The following UNC80 variants were observed in gnomAD, a reference collection of about 807,000 sequenced individuals.
The protein encoded by UNC80 is unc-80 subunit of NALCN channel complex, also known as protein unc-80 homolog.
Under a neutral mutation model 384.6 loss-of-function variants are expected in UNC80, and 164 were observed. The ratio of observed to expected loss-of-function variants is 0.43; its 90% CI spans 0.38 to 0.49. The LOEUF is 0.49. Among genes scored for constraint, UNC80 ranks in the 20% least tolerant of loss-of-function variants. The pLI is 0.00. For missense variants in UNC80, 3,330 were observed against 4,143.0 expected (o/e 0.80, Z 5.39); for synonymous variants, 1,486 against 1,527.8 (o/e 0.97, Z 0.64).
chr2:209,837,897 G>A (rs1010386120), intron 18 of UNC80, among the ~76,000 whole-genome samples: 2 of 151,550 alleles, frequency 1.3e-5, no homozygotes, highest in African/African-American at 2.4e-5. Context: ...TCAGCCTCCT[G>A]AGTAGCTGGG....
In UNC80 at chr2:209,893,084, G is replaced by A. The variant is rs543043856; in HGVS notation, c.4277-1079G>A. Among the ~76,000 whole-genome samples the A allele has an allele frequency of 6.6e-5, 10 of 152,216 alleles. No homozygotes were observed. The South Asian group carries it at 1.4e-3, about 22-fold the overall frequency. Reference sequence around the variant, plus strand: ...AAGTATACATTTAGCTAATGTTTTCGTTATACAAGTTCTATCACAGTCACA... The same window carrying A: ...AAGTATACATTTAGCTAATGTTTTCATTATACAAGTTCTATCACAGTCACA... On this transcript the variant is annotated intron_variant, in intron 26 of 64. Transcript: ENST00000673920.
chr2:209,977,074 A>T lies in UNC80; in HGVS notation c.8934A>T (p.Gly2978=), dbSNP rs140804772. The change falls in exon 58 of 65, where the codon GGA becomes GGT. Residue 2978 remains glycine, a synonymous_variant. Transcript: ENST00000673920. ...LKILKEAVHS[G]SAYQGKTSIS... is the part of the protein sequence containing the mutation. ...TTCTAAAAGAGGCAGTTCATAGTGG[A>T]TCAGGTGAGTGTGCATGAGAGTGTT... The T allele has an allele frequency of 2.5e-5, 38 of 1,514,134 alleles. No homozygotes were observed. In the African/African-American group the frequency reaches 5.1e-4, roughly 20 times the overall value. 93.8% of individuals were successfully genotyped at this position (1,514,134 alleles called of 1,614,324 possible).
chr2:209,838,076 C>T (rs961021906), intron 18 of UNC80, among the ~76,000 whole-genome samples: 2 of 151,934 alleles, frequency 1.3e-5, no homozygotes, highest in African/African-American at 4.8e-5. Context: ...CGGCCTTGTA[C>T]CTACATCTTA....
At chr2:209,914,817 A>G (rs537407644) in intron 31 of UNC80, among the ~76,000 whole-genome samples, 71 of 152,182 alleles carry the variant, frequency 4.7e-4, no homozygotes, top group African/African-American at 1.6e-3. Flanking sequence ...TTTAAATATC[A>G]GTTTATAGTT....
intron 16 of UNC80, among the ~76,000 whole-genome samples, chr2:209,833,447 C>T (rs1439851228): frequency 6.6e-6 from 1 of 152,120 alleles, no homozygotes; most frequent in African/African-American, 2.4e-5. Context: ...AGTTTGTAGT[C>T]GAGTTCATGT....
At chr2:209,949,680 G>A (rs1351639489) in intron 47 of UNC80, among the ~76,000 whole-genome samples, 2 of 152,112 alleles carry the variant, frequency 1.3e-5, no homozygotes, top group Non-Finnish European at 2.9e-5. Context: ...GTTTCACCAT[G>A]TTGACCAGGC....
In UNC80 at chr2:209,817,037, G is replaced by A. The variant is rs1241919062; in HGVS notation, c.1464G>A (p.Thr488=). 1.9e-5 allele frequency: 29 copies of A among 1,551,728 alleles called. No homozygotes were observed. The Middle Eastern group carries it at 5.0e-4, about 27-fold the overall frequency. Reference sequence around the variant, plus strand: ...AGGACCACCTGGATGTGTCCCCCACGCGCAGCACATTCTCCTTTGGAAGTT... The same window carrying A: ...AGGACCACCTGGATGTGTCCCCCACACGCAGCACATTCTCCTTTGGAAGTT... ...LHEDHLDVSP[T]RSTFSFGSFS... is the part of the protein sequence containing the mutation. The change falls in exon 10 of 65, where the codon ACG becomes ACA. Residue 488 remains threonine (T), a synonymous_variant. Coordinates refer to ENST00000673920, the MANE Select transcript of UNC80 (RefSeq NM_001371986.1).
chr2:209,953,806 C>T lies in UNC80; in HGVS notation c.7287-294C>T, dbSNP rs182772201. ...CTCTAGATGGACTATATAGCTCCAC[C>T]TATTATCATTCTGTTATTCTTTCAA... On this transcript the variant is annotated intron_variant, in intron 47 of 64. Coordinates refer to ENST00000673920, the MANE Select transcript of UNC80 (RefSeq NM_001371986.1). Among the ~76,000 whole-genome samples the T allele has an allele frequency of 1.8e-3, 270 of 152,284 alleles. 1 individual carries two copies. The highest frequency in any genetic ancestry group is 3.3e-3 in the Non-Finnish European group (223 of 68,028).
intron 31 of UNC80, among the ~76,000 whole-genome samples, chr2:209,915,021 G>A (rs370027372): frequency 6.6e-6 from 1 of 152,056 alleles, no homozygotes; most frequent in Non-Finnish European, 1.5e-5. Flanking sequence ...TTCTCAGAGA[G>A]CGCTGTAGGA....
rs562892776 is a variant in UNC80 at position 209,910,648 on chromosome 2, TC to T, written c.4783-1911del. Among the ~76,000 whole-genome samples the T allele has an allele frequency of 1.3e-3, 180 of 133,792 alleles. 1 individual carries two copies. The highest frequency in any genetic ancestry group is 1.4e-3 in the Non-Finnish European group (85 of 61,922). The allele number at this position is 133,792 out of a possible 152,430, so 87.8% of individuals were successfully genotyped here. A position where few individuals can be genotyped will look rare whatever the true frequency, so the allele number is the denominator to read the frequency against. On this transcript the variant is annotated intron_variant, in intron 29 of 64. Transcript: ENST00000673920. ...TATCAGGGACAAATATAAATGCTCA[TC>T]TTTTTTTTTTTTTTTTTTTTTGGTG... is the stretch of plus-strand genomic sequence containing the variant.
At chr2:209,984,636 G>T (rs2093242409) in intron 60 of UNC80, among the ~76,000 whole-genome samples, 1 of 152,096 alleles carries the variant, frequency 6.6e-6, no homozygotes, top group Non-Finnish European at 1.5e-5. Flanking sequence ...TCTGAGAGTT[G>T]TATCCATCCA....
chr2:209,915,697 G>A (rs1295278205), intron 31 of UNC80, among the ~76,000 whole-genome samples: 12 of 152,202 alleles, frequency 7.9e-5, no homozygotes, highest in Non-Finnish European at 1.5e-5. Context: ...GCAGCAATAT[G>A]TGGAATACTT....
chr2:209,954,339 A>G, intron 48 of UNC80, 69 bp downstream of exon 48: 7 of 1,359,174 alleles, frequency 5.2e-6, no homozygotes, highest in Non-Finnish European at 6.7e-6. Flanking sequence ...AAAAATAAGA[A>G]AAAAATGTGA....
intron 18 of UNC80, among the ~76,000 whole-genome samples, chr2:209,837,136 T>C (rs2081382457): frequency 6.6e-6 from 1 of 152,222 alleles, no homozygotes; most frequent in Non-Finnish European, 1.5e-5. Context: ...AAATATTCAG[T>C]ACTCTGATGA....
chr2:209,956,034 A>C (rs537227946), intron 48 of UNC80, among the ~76,000 whole-genome samples: 29 of 152,008 alleles, frequency 1.9e-4, no homozygotes, highest in African/African-American at 7.0e-4. Context: ...GTAAGCCACC[A>C]TACTCAGCCT....
Position 209,904,777 on chromosome 2 carries a change from C to T in UNC80, c.4594C>T (p.Leu1532=). The part of the protein sequence containing the change: ...NMSWLHVMIL[L]CNQQSFICTH... ...GTTTGTATTCCAGGTGATGATCTTG[C>T]TGTGCAATCAGCAGAGTTTCATCTG... The change falls in exon 29 of 65, where the codon CTG becomes TTG. Residue 1532 remains leucine, a synonymous_variant. Transcript: ENST00000673920. The T allele has an allele frequency of 6.4e-7, 1 of 1,551,962 alleles. No homozygotes were observed. The highest frequency in any genetic ancestry group is 8.7e-7 in the Non-Finnish European group (1 of 1,147,044).
At chr2:209,915,171 G>A (rs756509833) in intron 31 of UNC80, among the ~76,000 whole-genome samples, 6 of 151,980 alleles carry the variant, frequency 3.9e-5, no homozygotes, top group African/African-American at 1.2e-4. Flanking sequence ...CTGGGAGGCC[G>A]AGGCGGGCGG....
chr2:209,829,679 C>G (rs1470663763), intron 15 of UNC80, among the ~76,000 whole-genome samples: 1 of 152,098 alleles, frequency 6.6e-6, no homozygotes, highest in African/African-American at 2.4e-5. Flanking sequence ...ACTCCTCTCT[C>G]TCATATAACA....
rs369283517 is a variant in UNC80 at position 209,954,145 on chromosome 2, A to G, written c.7332A>G (p.Leu2444=). 4.5e-6 allele frequency: 7 copies of G among 1,551,088 alleles called. No individual in the cohort carries two copies. The African/African-American group carries it at 6.8e-5, about 15-fold the overall frequency. Residue 2444 remains leucine (L), a synonymous_variant, in exon 48 of 65, where the codon CTA becomes CTG. Transcript: ENST00000673920. ...TAGAAGCCTTAGTTCCATGTTACCT[A>G]CAAAAGCTAAAGAGGCAGACATCAC... ...MVLEALVPCY[L]QKLKRQTSQV...
Sources: allele counts gnomAD v4.1 joint callset (sites outside exome capture counted in the v4.1 genomes callset), GRCh38; gene constraint gnomAD v4.1.1; transcripts MANE v1.5; gene names NCBI Gene and HGNC (gene_info 2026-07-23, HGNC 2026-07-21).